The following STXBP5 variants were observed in gnomAD, a reference collection of about 807,000 sequenced individuals.
STXBP5 encodes syntaxin-binding protein 5.
A neutral mutation model predicts 152.4 loss-of-function variants in STXBP5; 50 were observed. That is an observed-to-expected ratio of 0.33 (90% CI 0.26 to 0.42). The LOEUF (loss-of-function observed/expected upper bound fraction) is 0.42. Among genes scored for constraint, STXBP5 ranks in the 10% least tolerant of loss-of-function variants. STXBP5 has a pLI of 1.00. For synonymous variants in STXBP5, 492 were observed against 494.7 expected, an observed-to-expected ratio of 0.99 and a Z score of 0.07; for missense variants, 1,167 against 1,388.6, an observed-to-expected ratio of 0.84 and a Z score of 2.54.
intron 7 of STXBP5, among the ~76,000 whole-genome samples, chr6:147,272,121 A>G (rs1220360079): frequency 6.6e-6 from 1 of 152,210 alleles, no homozygotes; most frequent in East Asian, 1.9e-4. Flanking sequence ...TAAAGTTGTA[A>G]TGAAAATGTT....
intron 4 of STXBP5, 22 bp downstream of exon 4, chr6:147,239,292 T>C: frequency 6.3e-7 from 1 of 1,575,824 alleles, no homozygotes; most frequent in Non-Finnish European, 8.7e-7. Context: ...CCCAGTTATC[T>C]TATGTATAGG....
intron 3 of STXBP5, among the ~76,000 whole-genome samples, chr6:147,235,867 A>G (rs1255376297): frequency 6.6e-6 from 1 of 152,188 alleles, no homozygotes; most frequent in African/African-American, 2.4e-5. Context: ...CATAGGAAAC[A>G]CTGTTTTTGC....
chr6:147,250,680 C>T (rs1004423896), intron 4 of STXBP5, among the ~76,000 whole-genome samples: 1 of 151,954 alleles, frequency 6.6e-6, no homozygotes, highest in Non-Finnish European at 1.5e-5. Flanking sequence ...TAATTTTTTT[C>T]TTTGGTTACT....
rs560769547 is a variant in STXBP5 at position 147,315,402 on chromosome 6, T to C, written c.1403-113T>C. The C allele has an allele frequency of 1.6e-4, 103 of 649,250 alleles. No individual in the cohort carries two copies. The African/African-American group carries it at 1.8e-3, about 11-fold the overall frequency. 40.2% of individuals were successfully genotyped at this position (649,250 alleles called of 1,614,324 possible). On this transcript the variant is annotated intron_variant, in intron 14 of 27. Transcript: ENST00000321680. ...ACTAACGTAAATTGAGAAATGAAAATATGATGTAGTTAAATATGGACCATT... is the reference window on the plus strand; with the variant it reads ...ACTAACGTAAATTGAGAAATGAAAACATGATGTAGTTAAATATGGACCATT...
rs575610262 is a variant in STXBP5, at chr6:147,347,253, T to A, written c.2255-6070T>A. ...GGAATAAAATAGCACAAAGTAGATA[T>A]CAATGAAATAATACATAAATAATAG... On this transcript the variant is annotated intron_variant, in intron 21 of 27. Transcript: ENST00000321680. Among the ~76,000 whole-genome samples the A allele has an allele frequency of 5.3e-5, 8 of 152,286 alleles. No individual in the cohort carries two copies. The East Asian group carries it at 5.8e-4, about 11-fold the overall frequency.
intron 9 of STXBP5, among the ~76,000 whole-genome samples, chr6:147,294,299 T>C (rs1213004171): frequency 3.3e-5 from 5 of 152,002 alleles, no homozygotes; most frequent in African/African-American, 1.2e-4. Context: ...ACTCATTATG[T>C]AATCTTAGGC....
intron 4 of STXBP5, among the ~76,000 whole-genome samples, chr6:147,243,689 T>C (rs1476529829): frequency 6.6e-6 from 1 of 152,170 alleles, no homozygotes; most frequent in Non-Finnish European, 1.5e-5. Context: ...CTGTGTTATG[T>C]TGTAGAAGTT....
At chr6:147,348,761 G>A (rs974849575) in intron 21 of STXBP5, among the ~76,000 whole-genome samples, 1 of 152,090 alleles carries the variant, frequency 6.6e-6, no homozygotes, top group Admixed American at 6.6e-5. Flanking sequence ...TGTGTATACT[G>A]AAAAATTGGA....
intron 8 of STXBP5, among the ~76,000 whole-genome samples, chr6:147,280,263 T>C (rs895333887): frequency 6.6e-6 from 1 of 152,176 alleles, no homozygotes; most frequent in South Asian, 2.1e-4. Context: ...AGTATGGTTT[T>C]GTCTCATGTT....
intron 4 of STXBP5, among the ~76,000 whole-genome samples, chr6:147,245,572 T>C (rs181323882): frequency 5.9e-5 from 9 of 152,278 alleles, no homozygotes; most frequent in Non-Finnish European, 1.2e-4. Flanking sequence ...GTACTTTACT[T>C]ACCTGTCCTC....
At chr6:147,326,268 A>C (rs1410407458) in intron 17 of STXBP5, among the ~76,000 whole-genome samples, 2 of 152,232 alleles carry the variant, frequency 1.3e-5, no homozygotes, top group Non-Finnish European at 2.9e-5. Flanking sequence ...TAAGAAAAAG[A>C]ACCAATAGGA....
intron 21 of STXBP5, among the ~76,000 whole-genome samples, chr6:147,352,758 A>G (rs1475460097): frequency 3.3e-5 from 5 of 152,210 alleles, no homozygotes; most frequent in African/African-American, 1.2e-4. Flanking sequence ...TCACTCAGAA[A>G]AGCCTCACCC....
intron 21 of STXBP5, chr6:147,351,837 G>A: frequency 1.0e-6 from 1 of 985,234 alleles, no homozygotes; most frequent in African/African-American, 1.7e-5. Context: ...TTTTAGATGT[G>A]GAAGTCATGT....
At chr6:147,340,031 C>T (rs1011984492) in intron 21 of STXBP5, among the ~76,000 whole-genome samples, 12 of 151,996 alleles carry the variant, frequency 7.9e-5, no homozygotes, top group African/African-American at 2.4e-4. Flanking sequence ...TTCAAGGTCA[C>T]GAAAGTTCAG....
chr6:147,260,609 T>C lies in STXBP5; in HGVS notation c.432-6T>C, dbSNP rs1054602545. ...TTTCTTTTTTGAGTATATTTTTCTC[T>C]TGCAGGGTTACATTTTGCCATCTGC... On this transcript the variant is annotated splice_region_variant and splice_polypyrimidine_tract_variant and intron_variant, in intron 4 of 27. Coordinates refer to ENST00000321680, the MANE Select transcript of STXBP5 (RefSeq NM_001127715.4). 2.5e-6 allele frequency: 4 copies of C among 1,613,682 alleles called. No homozygotes were observed. In the Admixed American group the frequency reaches 6.7e-5, roughly 27 times the overall value.
At chr6:147,310,474 A>G (rs959888734) in intron 10 of STXBP5, among the ~76,000 whole-genome samples, 2 of 152,166 alleles carry the variant, frequency 1.3e-5, no homozygotes, top group African/African-American at 4.8e-5. Context: ...TTCTGTTAAG[A>G]TAGTAATGTA....
intron 2 of STXBP5, among the ~76,000 whole-genome samples, chr6:147,209,582 A>G (rs888283275): frequency 2.0e-5 from 3 of 152,122 alleles, no homozygotes; most frequent in South Asian, 4.1e-4. Context: ...TCAAGTAGCT[A>G]TGTATTCTAG....
At chr6:147,380,335 G>A (rs143001047) in intron 26 of STXBP5, among the ~76,000 whole-genome samples, 4 of 149,816 alleles carry the variant, frequency 2.7e-5, no homozygotes, top group African/African-American at 9.8e-5. Context: ...TGAGACTCCA[G>A]AAATAAGCTT....
Position 147,339,216 on chromosome 6 carries a change from A to T in STXBP5, c.2184A>T (p.Lys728Asn), listed in dbSNP as rs2128397345. 1 of 1,539,020 alleles carries T rather than the reference A, an allele frequency of 6.5e-7. No individual in the cohort carries two copies. The highest frequency in any genetic ancestry group is 2.5e-5 in the East Asian group (1 of 40,428). Reference protein sequence around the residue: ...SSPHNSDDEQKMNNFIEKVKT... With the variant: ...SSPHNSDDEQNMNNFIEKVKT... ...CACACAATTCAGATGATGAACAAAA[A>T]ATGAATAATTTTATAGAAAAGGGTA... is the stretch of plus-strand genomic sequence containing the variant. The change falls in exon 20 of 28, where the codon AAA becomes AAT. Residue 728 changes from lysine (K) to asparagine (N), a missense_variant. Lys to Asn is a moderately conservative substitution (Grantham distance 94). This residue lies in a region of STXBP5 where 833 missense variants were observed against 986.3 expected (regional missense o/e 0.84). Coordinates refer to ENST00000321680, the MANE Select transcript of STXBP5 (RefSeq NM_001127715.4).
Sources: gnomAD v4.1 joint callset for allele counts (sites outside exome capture counted in the v4.1 genomes callset) on GRCh38, gnomAD v4.1.1 for gene constraint, gnomAD v4.1.1 regional missense constraint, MANE v1.5 for transcripts, NCBI Gene and HGNC (gene_info 2026-07-23, HGNC 2026-07-21) for gene names.